Variants in ZNF292 observed in about 807,000 individuals in gnomAD.
ZNF292 encodes the protein zinc finger protein 292.
In ZNF292, 26 loss-of-function variants were observed where a neutral mutation model predicts 217.9. The observed-to-expected ratio is 0.12, with a 90% confidence interval of 0.09 to 0.17. The LOEUF is 0.17. ZNF292 is among the 10% of genes least tolerant of loss of function. The pLI is 1.00. For missense variants in ZNF292, 2,904 were observed against 3,175.2 expected (o/e 0.91, Z 2.05); for synonymous variants, 1,257 against 1,124.1 (o/e 1.12, Z -2.37).
intron 1 of ZNF292, among the ~76,000 whole-genome samples, chr6:87,163,386 A>G (rs1349045803): frequency 1.3e-5 from 2 of 151,842 alleles, no homozygotes; most frequent in South Asian, 2.1e-4. Flanking sequence ...AGGAGGCAGA[A>G]CTTGCAGTGA....
intron 1 of ZNF292, chr6:87,170,371 A>G (rs1436466424): frequency 6.6e-6 from 1 of 152,218 alleles, no homozygotes; most frequent in Non-Finnish European, 1.5e-5. Context: ...CAAACTGACC[A>G]TGAAGTTCAT....
At chr6:87,179,874 T>C (rs1267643207) in intron 1 of ZNF292, among the ~76,000 whole-genome samples, 1 of 152,228 alleles carries the variant, frequency 6.6e-6, no homozygotes, top group African/African-American at 2.4e-5. Flanking sequence ...TCAGATTTTT[T>C]TCATGCTATC....
At position 87,260,060 on chromosome 6, in the gene ZNF292, C is replaced by A. The variant is rs530905848; in HGVS notation, c.6431C>A (p.Pro2144His). 3.0e-5 allele frequency: 48 copies of A among 1,613,570 alleles called. No homozygotes were observed. The South Asian group carries it at 5.1e-4, about 17-fold the overall frequency. The change falls in exon 8 of 8, where the codon CCT becomes CAT. Residue 2144 changes from proline (P) to histidine (H), a missense_variant. Around this residue, in one of 15 missense-constraint regions of ZNF292, gnomAD observed 261 missense variants for 272.8 expected, o/e 0.96. Transcript: ENST00000369577. ...CAGGCTGTACACAAATCAGATCTAC[C>A]TGCATTTTCAGCAGAGGTCGAAGAG... ...HYQAVHKSDLPAFSAEVEEES... is the reference protein window; with the variant it reads ...HYQAVHKSDLHAFSAEVEEES...
At chr6:87,243,743 ATGCTG>A in intron 6 of ZNF292, 132 bp downstream of exon 6, 1 of 858,642 alleles carries the variant, frequency 1.2e-6, no homozygotes, top group Non-Finnish European at 1.6e-6. Flanking sequence ...TAGATATTAC[ATGCTG>A]TGCAAACTTA....
In ZNF292 at chr6:87,262,242, T is replaced by C. The variant is rs1381387172; in HGVS notation, c.*441T>C. The C allele has an allele frequency of 6.6e-6, 1 of 152,242 alleles. No homozygotes were observed. The highest frequency in any genetic ancestry group is 1.5e-5 in the Non-Finnish European group (1 of 68,034). 9.4% of individuals were successfully genotyped at this position (152,242 alleles called of 1,614,324 possible). ...AAATGACACATTTATATTTGGAATT[T>C]TAATTTTTAACTAAGCGATCAAGTT... is the stretch of plus-strand genomic sequence containing the variant. On this transcript the variant is annotated 3_prime_UTR_variant, in exon 8 of 8. Transcript: ENST00000369577.
At chr6:87,164,502 A>G (rs909084554) in intron 1 of ZNF292, among the ~76,000 whole-genome samples, 5 of 152,190 alleles carry the variant, frequency 3.3e-5, no homozygotes, top group Admixed American at 1.3e-4. Context: ...GACCATTTCT[A>G]TAACACTCTA....
At chr6:87,241,839 C>T (rs78585750) in intron 5 of ZNF292, among the ~76,000 whole-genome samples, 3,524 of 152,278 alleles carry the variant, frequency 0.023, 127 homozygotes, top group African/African-American at 0.081. Flanking sequence ...TTTTTCAGCT[C>T]TACAACGGTG....
rs1053142555 is a variant in ZNF292, at chr6:87,208,499, C to T, written c.169-7404C>T. ...TTTCTTATAACATGGTGTTTTTGTT[C>T]GTAGATGTAATATGTTTTCTCACAT... On this transcript the variant is annotated intron_variant, in intron 1 of 7. Transcript: ENST00000369577. Among the ~76,000 whole-genome samples the T allele has an allele frequency of 2.6e-5, 4 of 151,786 alleles. No homozygotes were observed. In the South Asian group the frequency reaches 6.3e-4, roughly 24 times the overall value.
At chr6:87,184,936 C>T (rs1186245733) in intron 1 of ZNF292, among the ~76,000 whole-genome samples, 1 of 152,224 alleles carries the variant, frequency 6.6e-6, no homozygotes, top group Non-Finnish European at 1.5e-5. Context: ...TATTTGCTCT[C>T]TTGGCTTCTG....
intron 1 of ZNF292, among the ~76,000 whole-genome samples, chr6:87,208,757 G>T (rs1158136044): frequency 6.6e-6 from 1 of 152,152 alleles, no homozygotes; most frequent in South Asian, 2.1e-4. Context: ...AAATAAGGGG[G>T]TCTAGTTTGT....
chr6:87,232,871 C>G (rs1429999691), intron 4 of ZNF292, among the ~76,000 whole-genome samples: 1 of 151,956 alleles, frequency 6.6e-6, no homozygotes, highest in East Asian at 1.9e-4. Flanking sequence ...CAGTATTGAA[C>G]AAAATATTAG....
chr6:87,197,774 A>AT (rs11410137), intron 1 of ZNF292, among the ~76,000 whole-genome samples: 78,410 of 147,046 alleles, frequency 0.53, 21,461 homozygotes, highest in Admixed American at 0.62. Context: ...GTTAGTTTCA[A>AT]TTTTTTATCT....
intron 1 of ZNF292, among the ~76,000 whole-genome samples, chr6:87,197,279 T>C (rs558509814): frequency 6.6e-6 from 1 of 152,330 alleles, no homozygotes; most frequent in East Asian, 1.9e-4. Context: ...ATCTGTTTGC[T>C]ATATTCTAGC....
intron 1 of ZNF292, among the ~76,000 whole-genome samples, chr6:87,191,106 A>G (rs895472008): frequency 7.2e-5 from 11 of 152,118 alleles, no homozygotes; most frequent in Non-Finnish European, 4.4e-5. Context: ...AATCTTGGTC[A>G]TGATTCCATA....
At chr6:87,230,197 G>A (rs560995033) in intron 4 of ZNF292, among the ~76,000 whole-genome samples, 1 of 152,252 alleles carries the variant, frequency 6.6e-6, no homozygotes, top group South Asian at 2.1e-4. Flanking sequence ...TGTATGCTGA[G>A]TTTGAGATGC....
intron 3 of ZNF292, among the ~76,000 whole-genome samples, chr6:87,217,684 T>G (rs1239199680): frequency 6.6e-6 from 1 of 152,106 alleles, no homozygotes; most frequent in African/African-American, 2.4e-5. Flanking sequence ...GAAGTAACTC[T>G]TTACATCCCT....
rs538978272 is a variant in ZNF292, at chr6:87,221,212, G to A, written c.538+2481G>A. The stretch of plus-strand genomic sequence containing the variant: ...ATACTGGTTTCACTTCAACATTTGA[G>A]TATCCTAGAGTGAGGTAGCTCTAAT... On this transcript the variant is annotated intron_variant, in intron 4 of 7. Transcript: ENST00000369577. 5.3e-5 allele frequency among the ~76,000 whole-genome samples: 8 copies of A among 152,292 alleles called. No individual in the cohort carries two copies. In the East Asian group the frequency reaches 9.6e-4, roughly 18 times the overall value.
chr6:87,238,313 C>T (rs1028947257), intron 5 of ZNF292, among the ~76,000 whole-genome samples: 2 of 151,690 alleles, frequency 1.3e-5, no homozygotes, highest in African/African-American at 4.8e-5. Context: ...ATGGTGAAAC[C>T]CCGTCTCTAC....
chr6:87,179,658 A>C (rs1357277933), intron 1 of ZNF292, among the ~76,000 whole-genome samples: 1 of 152,128 alleles, frequency 6.6e-6, no homozygotes, highest in East Asian at 1.9e-4. Flanking sequence ...ATAGTTTTTC[A>C]AGTCTGTTTA....
Sources: gnomAD v4.1 joint callset for allele counts (sites outside exome capture counted in the v4.1 genomes callset) on GRCh38, gnomAD v4.1.1 for gene constraint, gnomAD v4.1.1 regional missense constraint, MANE v1.5 for transcripts, NCBI Gene and HGNC (gene_info 2026-07-23, HGNC 2026-07-21) for gene names.